Variants in AP3D1 observed in about 807,000 individuals in gnomAD.
AP3D1 encodes adaptor related protein complex 3 subunit delta 1, also known as AP-3 complex subunit delta-1.
In AP3D1, 51 loss-of-function variants were observed where a neutral mutation model predicts 147.6. The ratio of observed to expected loss-of-function variants is 0.35; its 90% CI spans 0.28 to 0.44. The LOEUF (loss-of-function observed/expected upper bound fraction) is 0.44. Ranked by LOEUF, AP3D1 falls within the 20% of genes least tolerant of loss-of-function variation. The probability of loss-of-function intolerance (pLI) is 1.00; values close to 1 mark genes in which losing one functional copy is unlikely to be tolerated. For missense variants in AP3D1, 1,421 were observed against 1,624.2 expected, an observed-to-expected ratio of 0.87 and a Z score of 2.15; for synonymous variants, 760 against 663.0, an observed-to-expected ratio of 1.15 and a Z score of -2.25.
At chr19:2,154,002 C>T (rs938800022), upstream of AP3D1, among the ~76,000 whole-genome samples, 3 of 148,968 alleles carry the variant, frequency 2.0e-5, no homozygotes, top group Admixed American at 1.4e-4. Context: ...GGCTGGAATG[C>T]AGTGGTGCGA....
chr19:2,155,038 G>A (rs1273293415), upstream of AP3D1, among the ~76,000 whole-genome samples: 2 of 151,990 alleles, frequency 1.3e-5, no homozygotes, highest in South Asian at 2.1e-4. Context: ...AAATTAGCCG[G>A]GCGTGGTGGC....
intron 1 of AP3D1, among the ~76,000 whole-genome samples, chr19:2,146,046 C>T (rs2019348001): frequency 6.6e-6 from 1 of 152,120 alleles, no homozygotes; most frequent in African/African-American, 2.4e-5. Flanking sequence ...TTCCTGAGGG[C>T]CTCTACGGCT....
At chr19:2,132,285 C>T (rs1289517726) in intron 5 of AP3D1, among the ~76,000 whole-genome samples, 186 bp downstream of exon 5, 2 of 152,230 alleles carry the variant, frequency 1.3e-5, no homozygotes, top group Admixed American at 6.5e-5. Flanking sequence ...ACTTAAGACA[C>T]GCAGGAACCA....
At chr19:2,112,008 C>A (rs1449592053) in intron 24 of AP3D1, 180 bp from the exon 25 acceptor site, 1 of 993,676 alleles carries the variant, frequency 1.0e-6, no homozygotes, top group Non-Finnish European at 1.4e-6. Context: ...CCAGGCCCAG[C>A]GGAGGCTGGG....
chr19:2,156,066 A>G (rs2019643292), upstream of AP3D1, among the ~76,000 whole-genome samples: 1 of 151,876 alleles, frequency 6.6e-6, no homozygotes, highest in Non-Finnish European at 1.5e-5. Flanking sequence ...AAAAAAAAAA[A>G]AGAAAAAAGA....
intron 24 of AP3D1, chr19:2,112,576 G>C (rs1443527319): frequency 2.9e-6 from 1 of 339,412 alleles, no homozygotes; most frequent in Non-Finnish European, 5.4e-6. Context: ...TCTGGAACTA[G>C]ACAGAGGTGA....
intron 8 of AP3D1, among the ~76,000 whole-genome samples, chr19:2,127,798 A>C (rs1599470010): frequency 6.6e-6 from 1 of 152,228 alleles, no homozygotes; most frequent in East Asian, 1.9e-4. Context: ...AAGCGCTGGG[A>C]TCACAGGCGT....
At position 2,135,075 on chromosome 19, in the gene AP3D1, C is replaced by T. The variant is rs535494587; in HGVS notation, c.354+1936G>A. On this transcript the variant is annotated intron_variant, in intron 4 of 31. Transcript: ENST00000643116. ...AATTAGCCGGGTGTGGTGGCACATG[C>T]GTGTACTCCCAGCTACTTGGGAGGC... Among the ~76,000 whole-genome samples, 25 of 151,584 alleles carry T rather than the reference C, an allele frequency of 1.6e-4. No individual in the cohort carries two copies. In the South Asian group the frequency reaches 2.7e-3, roughly 16 times the overall value.
At chr19:2,148,421 C>T (rs147406176) in intron 1 of AP3D1, among the ~76,000 whole-genome samples, 8 of 152,206 alleles carry the variant, frequency 5.3e-5, no homozygotes, top group Non-Finnish European at 1.0e-4. Flanking sequence ...AGTTTCAGGA[C>T]AGGACGGTTA....
At chr19:2,148,460 T>C (rs1039658003) in intron 1 of AP3D1, among the ~76,000 whole-genome samples, 2 of 152,240 alleles carry the variant, frequency 1.3e-5, no homozygotes, top group African/African-American at 4.8e-5. Context: ...TGGTCTCTTC[T>C]AGTTTCTTTT....
chr19:2,114,927 G>A (rs970560088), intron 20 of AP3D1, 106 bp from the exon 21 acceptor site: 33 of 1,265,608 alleles, frequency 2.6e-5, no homozygotes, highest in South Asian at 2.5e-4. Flanking sequence ...CACACGCACA[G>A]GTGGGCAGTG....
Position 2,157,441 on chromosome 19 carries a change from C to CAAAAAAAAAAA in AP3D1, c.-103+6904_-103+6914dup, listed in dbSNP as rs137939397. On this transcript the variant is annotated intron_variant, in intron 1 of 14. Coordinates refer to the AP3D1 transcript ENST00000643010. Reference sequence around the variant, plus strand: ...TGGGCGACAGAGCGAGACTCCGTCTCAAAAAAAAAAAAAAAAAAAGAAAAA... The same window carrying CAAAAAAAAAAA: ...TGGGCGACAGAGCGAGACTCCGTCTCAAAAAAAAAAAAAAAAAAAAAAAAAAAAAAGAAAAA... 3.2e-3 allele frequency among the ~76,000 whole-genome samples: 320 copies of CAAAAAAAAAAA among 101,044 alleles called. 2 individuals carry two copies. The highest frequency in any genetic ancestry group is 3.9e-3 in the Non-Finnish European group (229 of 58,300). The allele number at this position is 101,044 out of a possible 152,430, so 66.3% of individuals were successfully genotyped here. A position where few individuals can be genotyped will look rare whatever the true frequency, so the allele number is the denominator to read the frequency against.
chr19:2,123,943 G>T lies in AP3D1; in HGVS notation c.857-64C>A. On this transcript the variant is annotated intron_variant, in intron 9 of 31. Transcript: ENST00000643116. ...ATGGCCAGCGCCGACACCAACTCAG[G>T]GCCACGGGGCACCAGCACCCCCTCG... The T allele has an allele frequency of 2.0e-6, 3 of 1,524,956 alleles. No individual in the cohort carries two copies. In the South Asian group the frequency reaches 3.6e-5, roughly 18 times the overall value. 94.5% of individuals were successfully genotyped at this position (1,524,956 alleles called of 1,614,324 possible).
chr19:2,111,606 T>C (rs1301689150), intron 25 of AP3D1, 73 bp downstream of exon 25: 17 of 1,499,982 alleles, frequency 1.1e-5, no homozygotes, highest in Non-Finnish European at 1.5e-5. Context: ...GCATGGAGGC[T>C]GCAGGAGTGG....
At chr19:2,132,664 A>G in intron 4 of AP3D1, 86 bp from the exon 5 acceptor site, 7 of 1,181,128 alleles carry the variant, frequency 5.9e-6, no homozygotes, top group Non-Finnish European at 5.0e-6. Flanking sequence ...CAGGAGCGAA[A>G]TTCTCCCAGG....
chr19:2,137,585 G>A (rs1356543205), intron 3 of AP3D1, 142 bp downstream of exon 3: 1 of 712,742 alleles, frequency 1.4e-6, no homozygotes, highest in Non-Finnish European at 2.4e-6. Flanking sequence ...CAAAGTGCTG[G>A]GATTACAGGC....
intron 1 of AP3D1, among the ~76,000 whole-genome samples, chr19:2,140,760 T>A (rs978195209): frequency 5.2e-5 from 6 of 115,686 alleles, no homozygotes; most frequent in African/African-American, 2.3e-4. Flanking sequence ...AACGTCTTTT[T>A]TTTTTTTTTT....
chr19:2,158,157 G>A (rs980131853), intron 1 of AP3D1, among the ~76,000 whole-genome samples: 3 of 151,992 alleles, frequency 2.0e-5, no homozygotes, highest in Admixed American at 2.0e-4. Context: ...CTGGGTTCAC[G>A]CCATTCTCCT....
chr19:2,145,394 T>G (rs1383518310), intron 1 of AP3D1, among the ~76,000 whole-genome samples: 1 of 152,202 alleles, frequency 6.6e-6, no homozygotes, highest in African/African-American at 2.4e-5. Flanking sequence ...CAAGAACTCC[T>G]AAGGCAGTGG....
Sources: gnomAD v4.1 joint callset for allele counts (sites outside exome capture counted in the v4.1 genomes callset) on GRCh38, gnomAD v4.1.1 for gene constraint, MANE v1.5 for transcripts, NCBI Gene and HGNC (gene_info 2026-07-23, HGNC 2026-07-21) for gene names.